The following GRXCR1 variants were observed in gnomAD, a reference collection of about 807,000 sequenced individuals.
The protein encoded by GRXCR1 is glutaredoxin domain-containing cysteine-rich protein 1.
A neutral mutation model predicts 27.3 loss-of-function variants in GRXCR1; 27 were observed. The ratio of observed to expected loss-of-function variants is 0.99; its 90% CI spans 0.73 to 1.37. The LOEUF is 1.37. GRXCR1 is among the 40% of genes most tolerant of loss of function. GRXCR1 has a pLI of 0.00. For synonymous variants in GRXCR1, 122 were observed against 131.1 expected, an observed-to-expected ratio of 0.93 and a Z score of 0.47; for missense variants, 379 against 354.4, an observed-to-expected ratio of 1.07 and a Z score of -0.56.
At chr4:42,978,873 A>G (rs543736716) in intron 2 of GRXCR1, among the ~76,000 whole-genome samples, 3 of 152,084 alleles carry the variant, frequency 2.0e-5, no homozygotes, top group African/African-American at 7.2e-5. Flanking sequence ...TCATGGGGGC[A>G]GTTTCCCCCA....
At chr4:42,927,846 A>G (rs1199810060) in intron 1 of GRXCR1, among the ~76,000 whole-genome samples, 1 of 151,964 alleles carries the variant, frequency 6.6e-6, no homozygotes, top group Non-Finnish European at 1.5e-5. Context: ...CCTAGACAAG[A>G]ACTTGTGTGC....
At chr4:42,926,288 C>T (rs926390581) in intron 1 of GRXCR1, among the ~76,000 whole-genome samples, 4 of 151,914 alleles carry the variant, frequency 2.6e-5, no homozygotes, top group Admixed American at 1.3e-4. Flanking sequence ...GGTAAAAATA[C>T]TTGAAGTATA....
chr4:42,961,384 A>G (rs546286205), intron 1 of GRXCR1, among the ~76,000 whole-genome samples: 47 of 152,084 alleles, frequency 3.1e-4, no homozygotes, highest in Non-Finnish European at 5.7e-4. Context: ...CATGATCTTT[A>G]AAAGCATTTA....
Position 42,950,728 on chromosome 4 carries a change from C to A in GRXCR1, c.385-12164C>A, listed in dbSNP as rs570953722. Reference sequence around the variant, plus strand: ...TCCTACAACTCTCTTGTAGGCGAGACTGTAGCTATTCCCATATTAGAGAAC... The same window carrying A: ...TCCTACAACTCTCTTGTAGGCGAGAATGTAGCTATTCCCATATTAGAGAAC... On this transcript the variant is annotated intron_variant, in intron 1 of 3. Transcript: ENST00000399770. Among the ~76,000 whole-genome samples the A allele has an allele frequency of 2.0e-5, 3 of 152,246 alleles. No individual in the cohort carries two copies. In the East Asian group the frequency reaches 5.8e-4, roughly 29 times the overall value.
intron 2 of GRXCR1, among the ~76,000 whole-genome samples, chr4:42,990,503 T>C (rs1485085371): frequency 2.6e-5 from 4 of 152,128 alleles, no homozygotes; most frequent in African/African-American, 9.7e-5. Flanking sequence ...AAACTAGGCA[T>C]GAATTTATCT....
intron 2 of GRXCR1, among the ~76,000 whole-genome samples, chr4:42,965,788 A>G (rs544747640): frequency 1.3e-5 from 2 of 152,128 alleles, no homozygotes; most frequent in African/African-American, 4.8e-5. Flanking sequence ...CAGAGGCAGA[A>G]AGTGAGGCAT....
chr4:43,000,907 CTCTT>C (rs760706963), intron 2 of GRXCR1, among the ~76,000 whole-genome samples: 1 of 151,760 alleles, frequency 6.6e-6, no homozygotes, highest in Non-Finnish European at 1.5e-5. Context: ...AGGTGTTTTT[CTCTT>C]TCTTCAACTT....
chr4:42,978,106 C>T (rs959197493), intron 2 of GRXCR1, among the ~76,000 whole-genome samples: 39 of 152,016 alleles, frequency 2.6e-4, no homozygotes, highest in African/African-American at 9.4e-4. Context: ...AATATGTTGG[C>T]TGCAAATGTG....
chr4:42,996,620 A>G (rs1319209585), intron 2 of GRXCR1, among the ~76,000 whole-genome samples: 3 of 152,044 alleles, frequency 2.0e-5, no homozygotes, highest in Admixed American at 6.6e-5. Context: ...TTTTTTTCAA[A>G]TAGTCTATTC....
intron 1 of GRXCR1, among the ~76,000 whole-genome samples, chr4:42,948,535 G>A (rs1338516669): frequency 6.6e-6 from 1 of 152,090 alleles, no homozygotes; most frequent in Non-Finnish European, 1.5e-5. Context: ...AAGCCCTTTA[G>A]TCTTATGCCT....
chr4:42,905,768 G>C (rs956756495), intron 1 of GRXCR1, among the ~76,000 whole-genome samples: 7 of 152,160 alleles, frequency 4.6e-5, no homozygotes, highest in South Asian at 2.1e-4. Context: ...GATGCATTCT[G>C]TTACATTTAG....
intron 1 of GRXCR1, among the ~76,000 whole-genome samples, chr4:42,916,639 G>T (rs73240017): frequency 0.21 from 31,597 of 151,888 alleles, 3,347 homozygotes; most frequent in South Asian, 0.31. Context: ...ATCTGAAGGC[G>T]CACAATTTCC....
At chr4:43,015,718 ACTTT>A (rs1416005301) in intron 2 of GRXCR1, among the ~76,000 whole-genome samples, 1 of 151,738 alleles carries the variant, frequency 6.6e-6, no homozygotes, top group Non-Finnish European at 1.5e-5. Flanking sequence ...ATTGCAAGCT[ACTTT>A]CTTAGTAAGA....
intron 2 of GRXCR1, among the ~76,000 whole-genome samples, chr4:42,964,837 T>G (rs1748202009): frequency 6.6e-6 from 1 of 152,062 alleles, no homozygotes; most frequent in Non-Finnish European, 1.5e-5. Flanking sequence ...GTTCTCTCTC[T>G]AAGACATTCT....
intron 1 of GRXCR1, among the ~76,000 whole-genome samples, chr4:42,940,616 A>G (rs1257765794): frequency 1.3e-5 from 2 of 152,114 alleles, no homozygotes; most frequent in East Asian, 3.9e-4. Flanking sequence ...ATTGCAATAA[A>G]TGAATCAAGG....
At chr4:43,029,915 C>A (rs1713367927) in intron 3 of GRXCR1, among the ~76,000 whole-genome samples, 1 of 152,194 alleles carries the variant, frequency 6.6e-6, no homozygotes, top group Admixed American at 6.5e-5. Flanking sequence ...CTCCTGCACA[C>A]TTCAGCTGTT....
intron 2 of GRXCR1, among the ~76,000 whole-genome samples, chr4:42,996,578 G>A (rs923686275): frequency 1.1e-4 from 17 of 151,770 alleles, no homozygotes; most frequent in Admixed American, 2.0e-4. Flanking sequence ...TGTAATTCTA[G>A]TAAAACAACA....
At chr4:42,986,102 T>C (rs1367880877) in intron 2 of GRXCR1, among the ~76,000 whole-genome samples, 1 of 152,214 alleles carries the variant, frequency 6.6e-6, no homozygotes, top group Admixed American at 6.5e-5. Flanking sequence ...GTTGTGGTTT[T>C]GTTTTGTTTT....
Position 42,892,851 on chromosome 4 carries a change from G to C in GRXCR1, c.-416G>C. ...TTCCACATTTTACCTCTAACCTCTGGTTTGGACAATGAATAGTAGAGACAT... is the reference window on the plus strand; with the variant it reads ...TTCCACATTTTACCTCTAACCTCTGCTTTGGACAATGAATAGTAGAGACAT... On this transcript the variant is annotated 5_prime_UTR_variant, in exon 1 of 4. Transcript: ENST00000399770. Among the ~76,000 whole-genome samples, 1 of 152,056 alleles carries C rather than the reference G, an allele frequency of 6.6e-6. No individual in the cohort carries two copies.
Sources: allele counts gnomAD v4.1 joint callset (sites outside exome capture counted in the v4.1 genomes callset), GRCh38; gene constraint gnomAD v4.1.1; transcripts MANE v1.5; gene names NCBI Gene and HGNC (gene_info 2026-07-23, HGNC 2026-07-21).